The following COL5A1 variants were observed in gnomAD, a reference collection of about 807,000 sequenced individuals.
The protein encoded by COL5A1 is collagen alpha-1(V) chain.
COL5A1 carries 16 observed loss-of-function variants against 263.7 expected under a neutral mutation model. That is an observed-to-expected ratio of 0.06 (90% CI 0.04 to 0.09). COL5A1 has a LOEUF of 0.09. Ranked by LOEUF, COL5A1 falls within the 10% of genes least tolerant of loss-of-function variation. The pLI is 1.00. For synonymous variants in COL5A1, 1,012 were observed against 1,004.5 expected, an observed-to-expected ratio of 1.01 and a Z score of -0.14; for missense variants, 2,036 against 2,540.5, an observed-to-expected ratio of 0.80 and a Z score of 4.27.
chr9:134,806,088 A>G (rs559404004), intron 41 of COL5A1, 101 bp from the exon 42 acceptor site: 21 of 869,988 alleles, frequency 2.4e-5, no homozygotes, highest in Non-Finnish European at 4.0e-5. Flanking sequence ...TGTGGGCTCT[A>G]GAGTGAGCAG....
intron 28 of COL5A1, among the ~76,000 whole-genome samples, chr9:134,781,346 G>A (rs1418180298): frequency 6.6e-6 from 1 of 152,244 alleles, no homozygotes; most frequent in East Asian, 1.9e-4. Flanking sequence ...GTCCTCATCC[G>A]GGAAAGCTGA....
intron 21 of COL5A1, 95 bp from the exon 22 acceptor site, chr9:134,766,359 G>A: frequency 8.2e-7 from 1 of 1,216,206 alleles, no homozygotes; most frequent in East Asian, 2.4e-5. Flanking sequence ...GTCGTGGGAT[G>A]GGCGTCTGAG....
intron 1 of COL5A1, among the ~76,000 whole-genome samples, chr9:134,656,035 C>CTGCAGGGTGGGGCTT (rs1831959986): frequency 6.6e-6 from 1 of 152,202 alleles, no homozygotes; most frequent in South Asian, 2.1e-4. Context: ...GTCCAGCTTC[C>CTGCAGGGTGGGGCTT]TGCAGGGTGG....
At chr9:134,785,874 G>T in intron 30 of COL5A1, 121 bp from the exon 31 acceptor site, 1 of 878,850 alleles carries the variant, frequency 1.1e-6, no homozygotes, top group Non-Finnish European at 1.9e-6. Flanking sequence ...GTGTGCCCCC[G>T]CCTCTGGAAA....
At position 134,795,136 on chromosome 9, in the gene COL5A1, C is replaced by T; in HGVS notation, c.2745+10C>T. On this transcript the variant is annotated intron_variant, in intron 33 of 65. Coordinates refer to ENST00000371817, the MANE Select transcript of COL5A1 (RefSeq NM_000093.5). ...GCAGCGAGGCCCAACGGTAACCACC[C>T]TTTCAGCTTGTGGGCATGTTTGGGA... 2 of 1,614,070 alleles carry T rather than the reference C, an allele frequency of 1.2e-6. No homozygotes were observed. Among genetic ancestry groups the T allele is most frequent in the Non-Finnish European group, 1.7e-6 (2 of 1,180,016 alleles).
chr9:134,695,685 G>C (rs1267137259), intron 2 of COL5A1, among the ~76,000 whole-genome samples: 6 of 152,188 alleles, frequency 3.9e-5, no homozygotes. Flanking sequence ...TCCCACCTGG[G>C]AATCTACCTG....
chr9:134,835,072 C>T lies in COL5A1; in HGVS notation c.5238C>T (p.Cys1746=). ...CCCACCAGAACGTCACCTACCACTG[C>T]TACCAGTCAGTGGCCTGGCAGGACG... ...ASAHQNVTYH[C]YQSVAWQDAA... The change falls in exon 65 of 66, where the codon TGC becomes TGT. Residue 1746 remains cysteine (C), a synonymous_variant. Coordinates refer to ENST00000371817, the MANE Select transcript of COL5A1 (RefSeq NM_000093.5). 2 of 1,613,558 alleles carry T rather than the reference C, an allele frequency of 1.2e-6. No homozygotes were observed. Among genetic ancestry groups the T allele is most frequent in the Non-Finnish European group, 1.7e-6 (2 of 1,179,990 alleles).
At chr9:134,651,824 A>G (rs1445046362) in intron 1 of COL5A1, among the ~76,000 whole-genome samples, 1 of 152,208 alleles carries the variant, frequency 6.6e-6, no homozygotes, top group African/African-American at 2.4e-5. Flanking sequence ...GGACATTCCC[A>G]GGATCTGTCT....
Position 134,827,862 on chromosome 9 carries a change from G to A in COL5A1, c.5067+1958G>A, listed in dbSNP as rs551801683. Among the ~76,000 whole-genome samples the A allele has an allele frequency of 3.5e-4, 53 of 152,366 alleles. 1 individual carries two copies. In the South Asian group the frequency reaches 6.2e-3, roughly 18 times the overall value. ...TCCAGGAAGAAGCTGCCTTCACGCC[G>A]CCTGGGCTTGGCATTGACAGTGGCA... On this transcript the variant is annotated intron_variant, in intron 63 of 65. Transcript: ENST00000371817.
rs1261349597 is a variant in COL5A1, at chr9:134,757,833, G to A, written c.1882-410G>A. On this transcript the variant is annotated intron_variant, in intron 17 of 65. Transcript: ENST00000371817. This position sits in a 1 kb window ranked among gnomAD's most constrained non-coding sequence, Gnocchi z 6.2. Reference sequence around the variant, plus strand: ...CAATGGGTACGCGTACCTCCTGAGCGCGGGCAGCCCCTCGGCACCATGGAT... The same window carrying A: ...CAATGGGTACGCGTACCTCCTGAGCACGGGCAGCCCCTCGGCACCATGGAT... 1.3e-5 allele frequency among the ~76,000 whole-genome samples: 2 copies of A among 152,136 alleles called. No individual in the cohort carries two copies. Among genetic ancestry groups the A allele is most frequent in the South Asian group, 2.1e-4 (1 of 4,824 alleles).
At chr9:134,721,041 T>C (rs1006028753) in intron 4 of COL5A1, among the ~76,000 whole-genome samples, 1 of 152,046 alleles carries the variant, frequency 6.6e-6, no homozygotes, top group Non-Finnish European at 1.5e-5. Context: ...GTTCCGCGGG[T>C]GTCACCTGCT....
chr9:134,748,410 C>T (rs933079905), intron 11 of COL5A1, among the ~76,000 whole-genome samples: 4 of 152,210 alleles, frequency 2.6e-5, no homozygotes, highest in Admixed American at 2.6e-4. Context: ...TACATCCACA[C>T]ATACATGCAC....
At chr9:134,736,631 C>G (rs888023030) in intron 9 of COL5A1, among the ~76,000 whole-genome samples, 2 of 152,234 alleles carry the variant, frequency 1.3e-5, no homozygotes, top group East Asian at 3.8e-4. Flanking sequence ...TTCTCACATA[C>G]AGTTTACATT....
At chr9:134,660,292 T>C (rs1832163578) in intron 1 of COL5A1, among the ~76,000 whole-genome samples, 1 of 152,218 alleles carries the variant, frequency 6.6e-6, no homozygotes, top group Admixed American at 6.5e-5. Context: ...TCACTTAAAA[T>C]GGACCATGAG....
chr9:134,711,627 C>T (rs1478477655), intron 4 of COL5A1, among the ~76,000 whole-genome samples: 1 of 152,110 alleles, frequency 6.6e-6, no homozygotes, highest in Non-Finnish European at 1.5e-5. Context: ...TGCCCACAGT[C>T]ACACAGCTGG....
rs148793863 is a variant in COL5A1 at position 134,691,019 on chromosome 9, G to A, written c.217G>A (p.Val73Ile). 30 of 1,613,680 alleles carry A rather than the reference G, an allele frequency of 1.9e-5. No individual in the cohort carries two copies. The highest frequency in any genetic ancestry group is 2.5e-5 in the Non-Finnish European group (29 of 1,180,054). ...ATRRSSKGPD[V>I]AYRVTKDAQL... The stretch of plus-strand genomic sequence containing the variant: ...GCGGCGATCTTCCAAAGGCCCGGAT[G>A]TCGCTTACAGAGTCACCAAAGACGC... Residue 73 changes from valine (V) to isoleucine (I), a missense_variant, in exon 2 of 66, where the codon GTC (valine) becomes ATC (isoleucine). Physicochemically the swap from Val to Ile is conservative, Grantham distance 29. This residue lies in a region of COL5A1 where 600 missense variants were observed against 634.5 expected (regional missense o/e 0.95). Transcript: ENST00000371817.
intron 28 of COL5A1, among the ~76,000 whole-genome samples, chr9:134,782,280 G>A (rs532561677): frequency 4.3e-4 from 66 of 152,226 alleles, no homozygotes; most frequent in African/African-American, 6.3e-4. Flanking sequence ...CCAGCTCCCC[G>A]TCCTCAATTG....
At chr9:134,667,384 C>T (rs1048546517) in intron 1 of COL5A1, among the ~76,000 whole-genome samples, 1 of 152,218 alleles carries the variant, frequency 6.6e-6, no homozygotes, top group Non-Finnish European at 1.5e-5. Context: ...TTCAGGGAGT[C>T]AGAGGGACAA....
Position 134,678,995 on chromosome 9 carries a change from C to G in COL5A1, c.110-11917C>G, listed in dbSNP as rs1832756314. On this transcript the variant is annotated intron_variant, in intron 1 of 65. Transcript: ENST00000371817. This position sits in a 1 kb window ranked among gnomAD's most constrained non-coding sequence, Gnocchi z 5.5. Reference sequence around the variant, plus strand: ...GCTCTGTGTTGGGGTCACGTGGTATCTGCCCTCTGTTATCCGAGATGCCTT... The same window carrying G: ...GCTCTGTGTTGGGGTCACGTGGTATGTGCCCTCTGTTATCCGAGATGCCTT... 6.6e-6 allele frequency among the ~76,000 whole-genome samples: 1 copy of G among 152,232 alleles called. No individual in the cohort carries two copies. The highest frequency in any genetic ancestry group is 2.4e-5 in the African/African-American group (1 of 41,468).
Sources: allele counts gnomAD v4.1 joint callset (sites outside exome capture counted in the v4.1 genomes callset), GRCh38; gene constraint gnomAD v4.1.1; regional missense constraint gnomAD v4.1.1; non-coding constraint Gnocchi (gnomAD v3.1); transcripts MANE v1.5; gene names NCBI Gene and HGNC (gene_info 2026-07-23, HGNC 2026-07-21).